Variants in HTT-AS observed in about 807,000 individuals in gnomAD.
HTT-AS encodes HTT antisense RNA.
intron 2 of HTT-AS, among the ~76,000 whole-genome samples, chr4:3,050,235 C>T (rs938880347): frequency 2.0e-5 from 3 of 152,220 alleles, no homozygotes; most frequent in African/African-American, 7.2e-5. Context: ...AGGTGCATTG[C>T]ACGGATAACT....
chr4:3,059,792 C>T (rs1399222289), intron 2 of HTT-AS, among the ~76,000 whole-genome samples: 1 of 152,130 alleles, frequency 6.6e-6, no homozygotes, highest in Non-Finnish European at 1.5e-5. Context: ...AGGCTGGTCT[C>T]AAACTCCTGA....
downstream of HTT-AS, among the ~76,000 whole-genome samples, chr4:3,046,793 A>G (rs1042769695): frequency 1.3e-5 from 2 of 152,194 alleles, no homozygotes; most frequent in African/African-American, 4.8e-5. Context: ...ATTATGTCAC[A>G]TTTAGCATGA....
intron 2 of HTT-AS, among the ~76,000 whole-genome samples, chr4:3,054,060 G>A (rs750979348): frequency 1.3e-5 from 2 of 151,790 alleles, no homozygotes; most frequent in Non-Finnish European, 2.9e-5. Flanking sequence ...ACCCAGCCAG[G>A]TTTGCTAAAT....
intron 2 of HTT-AS, among the ~76,000 whole-genome samples, chr4:3,060,936 G>A (rs574048979): frequency 2.6e-5 from 4 of 152,330 alleles, no homozygotes; most frequent in African/African-American, 9.6e-5. Flanking sequence ...CCTCAAGCCT[G>A]TCTATAAAAC....
At chr4:3,067,240 G>A (rs879722744) in intron 1 of HTT-AS, among the ~76,000 whole-genome samples, 3 of 152,146 alleles carry the variant, frequency 2.0e-5, no homozygotes, top group Admixed American at 1.3e-4. Context: ...ATGGTGAGAG[G>A]ATCTAATATA....
chr4:3,064,096 GT>G (rs368155721), intron 1 of HTT-AS, among the ~76,000 whole-genome samples: 5,684 of 135,978 alleles, frequency 0.042, 159 homozygotes, highest in African/African-American at 0.085. Context: ...AAATAATAAA[GT>G]TTTTTTTTTT....
intron 2 of HTT-AS, among the ~76,000 whole-genome samples, chr4:3,059,402 T>C (rs575127633): frequency 4.6e-4 from 70 of 152,286 alleles, no homozygotes; most frequent in Middle Eastern, 6.8e-3. Flanking sequence ...GTTTTTTTTT[T>C]CCTTGATCAG....
At chr4:3,074,352 C>G (rs1193482689) in intron 1 of HTT-AS, 1 of 144,262 alleles carries the variant, frequency 6.9e-6, no homozygotes, top group Non-Finnish European at 1.5e-5. Context: ...CCACGCCTCC[C>G]TTACCATGCA....
intron 2 of HTT-AS, among the ~76,000 whole-genome samples, chr4:3,060,017 G>A (rs553954387): frequency 1.3e-5 from 2 of 151,434 alleles, no homozygotes; most frequent in Non-Finnish European, 2.9e-5. Flanking sequence ...TGTCTCCTGG[G>A]TTCCAGTGAT....
chr4:3,053,757 C>CT (rs1163919785), intron 2 of HTT-AS, among the ~76,000 whole-genome samples: 8,825 of 129,008 alleles, frequency 0.068, 399 homozygotes, highest in African/African-American at 0.13. Flanking sequence ...TTGCTAACTT[C>CT]TTTTTTTTTT....
At chr4:3,064,997 A>G (rs1712015852) in intron 1 of HTT-AS, among the ~76,000 whole-genome samples, 1 of 152,362 alleles carries the variant, frequency 6.6e-6, no homozygotes, top group East Asian at 1.9e-4. Context: ...GAAATTCAGT[A>G]ACACAATATA....
intron 1 of HTT-AS, among the ~76,000 whole-genome samples, chr4:3,067,542 A>G (rs1712078107): frequency 6.6e-6 from 1 of 152,216 alleles, no homozygotes; most frequent in Non-Finnish European, 1.5e-5. Flanking sequence ...TCCCAGGGCC[A>G]GGGACAGCTG....
intron 1 of HTT-AS, among the ~76,000 whole-genome samples, chr4:3,068,305 CAAAA>C (rs759119862): frequency 0.02 from 255 of 12,980 alleles, no homozygotes; most frequent in Non-Finnish European, 0.039. Context: ...GACTCTGTCT[CAAAA>C]AAAAAAAAAA....
chr4:3,065,407 A>ATT (rs113227230), intron 1 of HTT-AS, among the ~76,000 whole-genome samples: 1 of 151,024 alleles, frequency 6.6e-6, no homozygotes, highest in African/African-American at 2.4e-5. Context: ...TGCCCGGCTA[A>ATT]TTTTTTTTTG....
intron 2 of HTT-AS, among the ~76,000 whole-genome samples, chr4:3,058,353 T>C (rs545304043): frequency 1.3e-5 from 2 of 151,664 alleles, no homozygotes; most frequent in African/African-American, 4.8e-5. Flanking sequence ...ATAGAACATA[T>C]AGGGTAACTT....
chr4:3,054,762 TG>T (rs977099349), intron 2 of HTT-AS, among the ~76,000 whole-genome samples: 3 of 151,838 alleles, frequency 2.0e-5, no homozygotes, highest in African/African-American at 7.3e-5. Flanking sequence ...TCACCCAGGC[TG>T]GAGTGCAGTG....
chr4:3,051,844 A>G (rs371209846), intron 2 of HTT-AS, among the ~76,000 whole-genome samples: 1 of 149,828 alleles, frequency 6.7e-6, no homozygotes, highest in East Asian at 1.9e-4. Context: ...TCGCCGCTCA[A>G]GATGGCCCAA....
intron 2 of HTT-AS, among the ~76,000 whole-genome samples, chr4:3,055,881 T>G (rs1206941834): frequency 6.6e-6 from 1 of 152,228 alleles, no homozygotes; most frequent in Non-Finnish European, 1.5e-5. Flanking sequence ...CCCAGTCAGA[T>G]GTAAGAGGCC....
chr4:3,053,207 A>G (rs1711745999), intron 2 of HTT-AS, among the ~76,000 whole-genome samples: 1 of 152,130 alleles, frequency 6.6e-6, no homozygotes, highest in Non-Finnish European at 1.5e-5. Context: ...CTGTGTAGTT[A>G]TATATGTGTT....
Sources: gnomAD v4.1 joint callset for allele counts (sites outside exome capture counted in the v4.1 genomes callset) on GRCh38, gnomAD v4.1.1 for gene constraint, MANE v1.5 for transcripts, NCBI Gene and HGNC (gene_info 2026-07-23, HGNC 2026-07-21) for gene names.